Variants in PBRM1 observed in about 807,000 individuals in gnomAD.
PBRM1 encodes the protein protein polybromo-1.
A neutral mutation model predicts 194.5 loss-of-function variants in PBRM1; 27 were observed. The ratio of observed to expected loss-of-function variants is 0.14; its 90% CI spans 0.10 to 0.19. The LOEUF is 0.19. Among genes scored for constraint, PBRM1 ranks in the 10% least tolerant of loss-of-function variants. PBRM1 has a pLI of 1.00. For missense variants in PBRM1, 1,466 were observed against 2,077.2 expected (o/e 0.71, Z 5.72); for synonymous variants, 655 against 693.2 (o/e 0.94, Z 0.87).
At chr3:52,673,844 A>C (rs2097015488) in intron 2 of PBRM1, among the ~76,000 whole-genome samples, 1 of 151,736 alleles carries the variant, frequency 6.6e-6, no homozygotes, top group African/African-American at 2.4e-5. Flanking sequence ...TGAGGTCAAG[A>C]GTTTAAGACC....
intron 3 of PBRM1, among the ~76,000 whole-genome samples, chr3:52,664,009 G>T (rs1302310164): frequency 6.7e-6 from 1 of 150,262 alleles, no homozygotes; most frequent in Non-Finnish European, 1.5e-5. Context: ...GCAGTAAGCC[G>T]AGATAGCGCC....
chr3:52,670,277 T>C (rs919881875), intron 2 of PBRM1, among the ~76,000 whole-genome samples: 6 of 152,200 alleles, frequency 3.9e-5, no homozygotes, highest in Non-Finnish European at 8.8e-5. Flanking sequence ...CTATGTCATA[T>C]GGTCAAAACA....
intron 9 of PBRM1, among the ~76,000 whole-genome samples, chr3:52,642,667 A>T (rs1180562096): frequency 6.6e-6 from 1 of 151,910 alleles, no homozygotes; most frequent in East Asian, 1.9e-4. Context: ...TTATGAATTT[A>T]AAAAACCTAT....
exon 14 of PBRM1, chr3:52,617,298 G>A: frequency 6.2e-7 from 1 of 1,613,906 alleles, no homozygotes; most frequent in Non-Finnish European, 8.5e-7. Flanking sequence ...TGGCATTCCG[G>A]AACATCAGCT....
At chr3:52,582,149 G>A (rs1227662558) in intron 20 of PBRM1, among the ~76,000 whole-genome samples, 2 of 150,806 alleles carry the variant, frequency 1.3e-5, no homozygotes, top group East Asian at 4.1e-4. Flanking sequence ...GGCTAAGACA[G>A]GAGAATCACT....
chr3:52,562,537 CTTTTTTTTT>C (rs61349809), intron 24 of PBRM1, among the ~76,000 whole-genome samples: 1 of 108,216 alleles, frequency 9.2e-6, no homozygotes, highest in African/African-American at 3.3e-5. Flanking sequence ...TGAGAAAATT[CTTTTTTTTT>C]TTTTTTTTTT....
exon 20 of PBRM1, chr3:52,586,688 C>T (rs2153777768): frequency 6.6e-7 from 1 of 1,522,204 alleles, no homozygotes; most frequent in Non-Finnish European, 8.9e-7. Context: ...TTAAAGTATT[C>T]CTGGGGGGTG....
chr3:52,592,485 A>C (rs1027892617), intron 17 of PBRM1, among the ~76,000 whole-genome samples: 8 of 152,194 alleles, frequency 5.3e-5, no homozygotes, highest in African/African-American at 1.9e-4. Context: ...GCGTATGCTG[A>C]ACCAACCTTG....
chr3:52,611,920 G>A (rs1328329134), intron 15 of PBRM1, among the ~76,000 whole-genome samples: 1 of 152,036 alleles, frequency 6.6e-6, no homozygotes, highest in Non-Finnish European at 1.5e-5. Flanking sequence ...ACAGATAAAT[G>A]GTAAGGGGTG....
intron 27 of PBRM1, 132 bp downstream of exon 29, chr3:52,554,592 C>T (rs2081816151): frequency 1.4e-6 from 1 of 713,116 alleles, no homozygotes; most frequent in Non-Finnish European, 2.2e-6. Context: ...CTGCTGCTGA[C>T]AACCTTTGGA....
At chr3:52,613,713 G>A (rs2094782850) in intron 15 of PBRM1, among the ~76,000 whole-genome samples, 1 of 152,034 alleles carries the variant, frequency 6.6e-6, no homozygotes, top group Non-Finnish European at 1.5e-5. Context: ...AAGGAGGCCA[G>A]GCACCATGGC....
At position 52,642,052 on chromosome 3, in the gene PBRM1, A is replaced by C. The variant is rs756168401; in HGVS notation, c.996-7T>G. The C allele has an allele frequency of 7.2e-7, 1 of 1,390,802 alleles. No homozygotes were observed. The highest frequency in any genetic ancestry group is 1.0e-6 in the Non-Finnish European group (1 of 987,122). The allele number at this position is 1,390,802 out of a possible 1,614,324, so 86.2% of individuals were successfully genotyped here. On this transcript the variant is annotated splice_polypyrimidine_tract_variant and splice_region_variant and intron_variant, in intron 9 of 29. Coordinates refer to ENST00000296302, the Ensembl canonical transcript of PBRM1. ...TTGTACTGCTCTTTTATTACTACAA[A>C]AAAAAAAAAAGCAATTAGACAGGGA...
chr3:52,681,155 C>A (rs781639804), upstream of PBRM1: 1 of 151,250 alleles, frequency 6.6e-6, no homozygotes, highest in African/African-American at 2.4e-5. Context: ...CAGGACACTA[C>A]GACACCAGCA....
At chr3:52,571,854 CCCAAAA>C (rs1280689485) in intron 22 of PBRM1, among the ~76,000 whole-genome samples, 46 of 36,660 alleles carry the variant, frequency 1.3e-3, no homozygotes, top group African/African-American at 3.8e-3. Flanking sequence ...ACCTCATCTC[CCCAAAA>C]AAAAAAAAAA....
intron 11 of PBRM1, 35 bp downstream of exon 12, chr3:52,634,562 CAAAAT>C (rs1289734878): frequency 7.6e-7 from 1 of 1,316,108 alleles, no homozygotes; most frequent in South Asian, 1.2e-5. Context: ...TCAGCCACAA[CAAAAT>C]AAAATTATAC....
intron 22 of PBRM1, among the ~76,000 whole-genome samples, chr3:52,573,382 C>A (rs943711895): frequency 6.6e-6 from 1 of 152,178 alleles, no homozygotes; most frequent in Non-Finnish European, 1.5e-5. Flanking sequence ...CAACCTCCAC[C>A]TCTCGGGTTC....
chr3:52,612,384 A>G (rs1246707656), intron 15 of PBRM1, among the ~76,000 whole-genome samples: 3 of 152,108 alleles, frequency 2.0e-5, no homozygotes, highest in African/African-American at 7.2e-5. Context: ...AACCCCTTAT[A>G]AAGTATCACC....
intron 22 of PBRM1, among the ~76,000 whole-genome samples, chr3:52,565,773 A>G (rs6786919): frequency 0.42 from 63,113 of 151,706 alleles, 13,356 homozygotes; most frequent in Admixed American, 0.5. Context: ...ATGCTTAGCC[A>G]GGCGCAGTGG....
At chr3:52,598,980 C>A (rs111257229) in intron 17 of PBRM1, among the ~76,000 whole-genome samples, 1 of 148,868 alleles carries the variant, frequency 6.7e-6, no homozygotes, top group African/African-American at 2.5e-5. Context: ...TGAGATCACA[C>A]CACTGCACTC....
Sources: gnomAD v4.1 joint callset for allele counts (sites outside exome capture counted in the v4.1 genomes callset) on GRCh38, gnomAD v4.1.1 for gene constraint, MANE v1.5 for transcripts, NCBI Gene and HGNC (gene_info 2026-07-23, HGNC 2026-07-21) for gene names.